Variants in KCNAB2 observed in about 807,000 individuals in gnomAD.
The protein encoded by KCNAB2 is potassium voltage-gated channel subfamily A regulatory beta subunit 2.
Under a neutral mutation model 63.6 loss-of-function variants are expected in KCNAB2, and 29 were observed. The observed-to-expected ratio is 0.46, with a 90% CI of 0.34 to 0.62. The LOEUF is 0.62. Ranked by LOEUF, KCNAB2 falls within the 20% of genes least tolerant of loss-of-function variation. KCNAB2 has a pLI of 0.01. For synonymous variants in KCNAB2, 222 were observed against 224.2 expected, an observed-to-expected ratio of 0.99 and a Z score of 0.09; for missense variants, 359 against 563.9, an observed-to-expected ratio of 0.64 and a Z score of 3.68.
chr1:6,028,949 C>T lies in KCNAB2; in HGVS notation c.-52-11568C>T, dbSNP rs1158171582. 6.6e-6 allele frequency among the ~76,000 whole-genome samples: 1 copy of T among 152,190 alleles called. No individual in the cohort carries two copies. Among genetic ancestry groups the T allele is most frequent in the African/African-American group, 2.4e-5 (1 of 41,460 alleles). On this transcript the variant is annotated intron_variant, in intron 1 of 16. Transcript: ENST00000341524. This position sits in a 1 kb window ranked among gnomAD's most constrained non-coding sequence, Gnocchi z 4.0. Reference sequence around the variant, plus strand: ...GAATTTGGATGCAGCCACAGAAAGCCTAAGCGCCACAAGTCCCGCCATGAC... The same window carrying T: ...GAATTTGGATGCAGCCACAGAAAGCTTAAGCGCCACAAGTCCCGCCATGAC...
chr1:6,022,264 T>TAGTTCAGTGGTATTGAGTGTAC (rs1557938299), intron 1 of KCNAB2, among the ~76,000 whole-genome samples: 9 of 150,786 alleles, frequency 6.0e-5, no homozygotes, highest in Non-Finnish European at 7.4e-5. Flanking sequence ...ATTGAGTGTA[T>TAGTTCAGTGGTATTGAGTGTAC]AGTTCAGTGG....
In KCNAB2 at chr1:6,078,940, G is replaced by C. The variant is rs1209197267; in HGVS notation, c.301-3255G>C. 1.3e-5 allele frequency among the ~76,000 whole-genome samples: 2 copies of C among 152,212 alleles called. No homozygotes were observed. Among genetic ancestry groups the C allele is most frequent in the Non-Finnish European group, 2.9e-5 (2 of 68,032 alleles). ...GGAAGCAGAGAGCTAGGAGGCTATTGTGAGAAACCACCCAAGAGCCGCTGG... is the reference window on the plus strand; with the variant it reads ...GGAAGCAGAGAGCTAGGAGGCTATTCTGAGAAACCACCCAAGAGCCGCTGG... On this transcript the variant is annotated intron_variant, in intron 4 of 15. Transcript: ENST00000378083. The surrounding 1 kb of genome is among the most constrained non-coding windows in gnomAD (Gnocchi z 4.2).
upstream of KCNAB2, among the ~76,000 whole-genome samples, chr1:6,044,230 G>A (rs371078770): frequency 4.1e-4 from 63 of 152,276 alleles, 1 homozygote; most frequent in African/African-American, 1.2e-3. Flanking sequence ...TACAGAGAGG[G>A]GTGAAGGATT....
At chr1:6,052,817 A>C (rs1274829558) in intron 2 of KCNAB2, among the ~76,000 whole-genome samples, 1 of 152,188 alleles carries the variant, frequency 6.6e-6, no homozygotes, top group Admixed American at 6.5e-5. Context: ...TAGCATAAAT[A>C]CGTTCCATGC....
At position 6,089,045 on chromosome 1, in the gene KCNAB2, A is replaced by G. The variant is rs1370649271; in HGVS notation, c.508A>G (p.Ile170Val). The G allele has an allele frequency of 6.5e-7, 1 of 1,548,908 alleles. No homozygotes were observed. The highest frequency in any genetic ancestry group is 8.7e-7 in the Non-Finnish European group (1 of 1,146,226). The change falls in exon 8 of 16, where the codon ATC becomes GTC. Residue 170 changes from isoleucine (I) to valine (V), a missense_variant. Transcript: ENST00000378083. ...TERGLSRKHI[I>V]EGLKASLERL... ...GCGGGGCCTGTCCAGGAAGCACATA[A>G]TCGAAGGTGAGGACGCGCTCGGGCA...
chr1:6,060,674 G>A (rs111583422), intron 2 of KCNAB2, among the ~76,000 whole-genome samples: 8,832 of 152,224 alleles, frequency 0.058, 803 homozygotes, highest in African/African-American at 0.2. Context: ...GGCCCAGGCA[G>A]GTGGCGGATC....
At chr1:6,098,074 G>A (rs1303814661) in intron 15 of KCNAB2, 7 of 771,224 alleles carry the variant, frequency 9.1e-6, no homozygotes, top group Non-Finnish European at 1.1e-5. Flanking sequence ...AACTGGATGT[G>A]GGGGTGAGAA....
At chr1:6,046,665 G>A (rs1281402988) in intron 1 of KCNAB2, among the ~76,000 whole-genome samples, 1 of 152,216 alleles carries the variant, frequency 6.6e-6, no homozygotes, top group East Asian at 1.9e-4. Flanking sequence ...GTCCTTGAGC[G>A]AAAATCATTC....
rs1348368394 is a variant in KCNAB2 at position 6,035,159 on chromosome 1, CA to C, written c.-53+366del. Among the ~76,000 whole-genome samples the C allele has an allele frequency of 6.6e-6, 1 of 152,100 alleles. No homozygotes were observed. The highest frequency in any genetic ancestry group is 2.4e-5 in the African/African-American group (1 of 41,392). On this transcript the variant is annotated intron_variant, in intron 1 of 15. Transcript: ENST00000164247. This position sits in a 1 kb window ranked among gnomAD's most constrained non-coding sequence, Gnocchi z 5.0. Reference sequence around the variant, plus strand: ...AATTCGGGCCGGAGGAGGAGGAGTGCATGAAGCCCTGAGGTGGGAGTGAGTC... The same window carrying C: ...AATTCGGGCCGGAGGAGGAGGAGTGCTGAAGCCCTGAGGTGGGAGTGAGTC...
upstream of KCNAB2, among the ~76,000 whole-genome samples, chr1:6,029,382 T>C (rs1324213190): frequency 6.6e-6 from 1 of 151,698 alleles, no homozygotes; most frequent in Non-Finnish European, 1.5e-5. Context: ...AGAGCAGGTG[T>C]TGTAACAAGG....
Position 6,099,786 on chromosome 1 carries a change from T to C in KCNAB2, c.*1212T>C, listed in dbSNP as rs755718251. 7.4e-6 allele frequency: 11 copies of C among 1,494,112 alleles called. No individual in the cohort carries two copies. Among genetic ancestry groups the C allele is most frequent in the Non-Finnish European group, 9.8e-6 (11 of 1,119,752 alleles). The allele number at this position is 1,494,112 out of a possible 1,614,324, so 92.6% of individuals were successfully genotyped here. On this transcript the variant is annotated 3_prime_UTR_variant, in exon 16 of 16. Transcript: ENST00000378083. Reference sequence around the variant, plus strand: ...CCCTGGAAAGACGGGCAGGGCTGGTTAGCCCCTCCCACTGCCTGACACCTG... The same window carrying C: ...CCCTGGAAAGACGGGCAGGGCTGGTCAGCCCCTCCCACTGCCTGACACCTG...
At chr1:6,068,904 G>A (rs752053249) in intron 2 of KCNAB2, among the ~76,000 whole-genome samples, 40 of 152,172 alleles carry the variant, frequency 2.6e-4, no homozygotes, top group Non-Finnish European at 4.3e-4. Flanking sequence ...AGTACCAGGC[G>A]CCACATTCTT....
intron 2 of KCNAB2, among the ~76,000 whole-genome samples, chr1:6,066,049 A>G (rs754101492): frequency 5.3e-5 from 8 of 152,222 alleles, no homozygotes; most frequent in Non-Finnish European, 8.8e-5. Flanking sequence ...CCAGGATCTG[A>G]GCACCCGGCC....
rs148505443 is a variant in KCNAB2, at chr1:6,067,026, G to A, written c.219-5729G>A. On this transcript the variant is annotated intron_variant, in intron 2 of 15. Transcript: ENST00000378083. ...CTGCCGGGGCCTTTCTCCAAGGCTG[G>A]GTGAATGTGCCCAGGATGGAAAAGG... Among the ~76,000 whole-genome samples, 73 of 152,320 alleles carry A rather than the reference G, an allele frequency of 4.8e-4. 1 individual carries two copies. The East Asian group carries it at 0.012, about 25-fold the overall frequency.
At chr1:6,025,842 C>T (rs888012966) in intron 1 of KCNAB2, among the ~76,000 whole-genome samples, 3 of 119,694 alleles carry the variant, frequency 2.5e-5, no homozygotes, top group African/African-American at 1.0e-4. Flanking sequence ...CCCACCCCAG[C>T]ACACAGCCGA....
At chr1:6,038,863 G>A (rs918923258) in intron 1 of KCNAB2, among the ~76,000 whole-genome samples, 41 of 152,238 alleles carry the variant, frequency 2.7e-4, no homozygotes, top group Non-Finnish European at 3.2e-4. Flanking sequence ...GGGTTGCTGT[G>A]GATGGGCGGG....
rs961696987 is a variant in KCNAB2, at chr1:6,099,885, C to A, written c.*1311C>A. The stretch of plus-strand genomic sequence containing the variant: ...CCCCCGTGCAGCTTGGGCCGGAGGG[C>A]AAGGGATGCCAGTAAGTCTGCAGGT... On this transcript the variant is annotated 3_prime_UTR_variant, in exon 16 of 16. Transcript: ENST00000378083. 1.1e-5 allele frequency: 17 copies of A among 1,550,216 alleles called. No homozygotes were observed. The highest frequency in any genetic ancestry group is 1.5e-5 in the Non-Finnish European group (17 of 1,146,806).
rs899643952 is a variant in KCNAB2 at position 6,069,979 on chromosome 1, C to T, written c.219-2776C>T. On this transcript the variant is annotated intron_variant, in intron 2 of 15. Coordinates refer to ENST00000378083, the MANE Select transcript of KCNAB2 (RefSeq NM_001199862.2). The surrounding 1 kb of genome is among the most constrained non-coding windows in gnomAD (Gnocchi z 5.4). ...GATATGGAATCAGGGGCAGGGGCAC[C>T]TTTTGCCAGCCCTCCCCAAACTGGT... Among the ~76,000 whole-genome samples the T allele has an allele frequency of 2.6e-5, 4 of 152,196 alleles. No homozygotes were observed. Among genetic ancestry groups the T allele is most frequent in the Non-Finnish European group, 5.9e-5 (4 of 68,044 alleles).
rs1473829012 is a variant in KCNAB2, at chr1:6,096,240, T to TG, written c.949-389dup. ...CCCTCCAGGAGGCCCTGCAATCCTC[T>TG]GGGGGGGATGGCCAGGGGAGAGAGC... On this transcript the variant is annotated intron_variant, in intron 13 of 15. Coordinates refer to ENST00000378083, the MANE Select transcript of KCNAB2 (RefSeq NM_001199862.2). The surrounding 1 kb of genome is among the most constrained non-coding windows in gnomAD (Gnocchi z 5.9). 15 of 433,696 alleles carry TG rather than the reference T, an allele frequency of 3.5e-5. No homozygotes were observed. Among genetic ancestry groups the TG allele is most frequent in the Admixed American group, 5.2e-5 (2 of 38,246 alleles). 26.9% of individuals were successfully genotyped at this position (433,696 alleles called of 1,614,324 possible).
Sources: gnomAD v4.1 joint callset for allele counts (sites outside exome capture counted in the v4.1 genomes callset) on GRCh38, gnomAD v4.1.1 for gene constraint, Gnocchi (gnomAD v3.1) non-coding constraint, MANE v1.5 for transcripts, NCBI Gene and HGNC (gene_info 2026-07-23, HGNC 2026-07-21) for gene names.